The following SGCZ variants were observed in gnomAD, a reference collection of about 807,000 sequenced individuals.
SGCZ encodes the protein sarcoglycan zeta.
Under a neutral mutation model 41.3 loss-of-function variants are expected in SGCZ, and 40 were observed. That is an observed-to-expected ratio of 0.97 (90% confidence interval 0.75 to 1.26). The LOEUF (loss-of-function observed/expected upper bound fraction) is 1.26. Among genes scored for constraint, SGCZ ranks in the 50% most tolerant of loss-of-function variants. The probability of loss-of-function intolerance (pLI) is 0.00; values close to 1 mark genes in which losing one functional copy is unlikely to be tolerated. For missense variants in SGCZ, 552 were observed against 369.8 expected, an observed-to-expected ratio of 1.49 and a Z score of -4.04; for synonymous variants, 206 against 137.5, an observed-to-expected ratio of 1.50 and a Z score of -3.49.
intron 2 of SGCZ, among the ~76,000 whole-genome samples, chr8:14,536,362 G>A (rs969382852): frequency 2.0e-5 from 3 of 151,808 alleles, no homozygotes; most frequent in Non-Finnish European, 4.4e-5. Flanking sequence ...TTGATTTTAT[G>A]ATGACTTCTG....
At chr8:14,999,868 G>A (rs976644197) in intron 1 of SGCZ, among the ~76,000 whole-genome samples, 4 of 152,214 alleles carry the variant, frequency 2.6e-5, no homozygotes, top group African/African-American at 9.6e-5. Flanking sequence ...TGAGCATCCT[G>A]TTTTAGGAAG....
At chr8:15,172,288 A>G (rs1462800396) in intron 1 of SGCZ, among the ~76,000 whole-genome samples, 1 of 147,110 alleles carries the variant, frequency 6.8e-6, no homozygotes, top group Non-Finnish European at 1.5e-5. Context: ...CAGCCTCCCG[A>G]GTAGCTGGGA....
intron 1 of SGCZ, among the ~76,000 whole-genome samples, chr8:14,891,092 T>C (rs1804996562): frequency 1.3e-5 from 2 of 152,216 alleles, no homozygotes; most frequent in Admixed American, 1.3e-4. Context: ...AGGAGATTAA[T>C]GTTTCCATGC....
intron 1 of SGCZ, among the ~76,000 whole-genome samples, chr8:15,023,153 G>A (rs976123515): frequency 6.6e-6 from 1 of 152,098 alleles, no homozygotes; most frequent in Admixed American, 6.6e-5. Context: ...AGATAATCAC[G>A]CTTGCTGAAA....
chr8:14,476,685 T>C (rs1259882509), intron 2 of SGCZ, among the ~76,000 whole-genome samples: 1 of 152,158 alleles, frequency 6.6e-6, no homozygotes, highest in African/African-American at 2.4e-5. Context: ...TGTATGCTAA[T>C]ACACTGATTC....
chr8:14,934,474 A>G (rs1328506998), intron 1 of SGCZ, among the ~76,000 whole-genome samples: 1 of 151,978 alleles, frequency 6.6e-6, no homozygotes, highest in Non-Finnish European at 1.5e-5. Context: ...TTAAATGGAC[A>G]TTTTACAAAG....
intron 2 of SGCZ, among the ~76,000 whole-genome samples, chr8:14,421,403 A>T (rs925350515): frequency 2.0e-5 from 3 of 152,132 alleles, no homozygotes; most frequent in African/African-American, 7.2e-5. Flanking sequence ...AAAATGCATG[A>T]TATATTCACT....
At chr8:14,659,638 T>G (rs1807685975) in intron 1 of SGCZ, among the ~76,000 whole-genome samples, 2 of 152,222 alleles carry the variant, frequency 1.3e-5, no homozygotes, top group African/African-American at 4.8e-5. Context: ...TAAACGGTGG[T>G]CTTGGAAACC....
intron 1 of SGCZ, among the ~76,000 whole-genome samples, chr8:14,582,438 G>A (rs1245014021): frequency 3.3e-5 from 5 of 151,934 alleles, no homozygotes; most frequent in African/African-American, 7.3e-5. Context: ...CATATAATAC[G>A]TAATCATGTA....
rs796713519 is a variant in SGCZ at position 14,684,222 on chromosome 8, T to C, written c.40-129296A>G. On this transcript the variant is annotated intron_variant, in intron 1 of 7. Coordinates refer to ENST00000382080, the MANE Select transcript of SGCZ (RefSeq NM_139167.4). ...TTCATAATGCAATTTTTACTTGGCATCTGATGGCTTCTTAAATGATGTTTT... is the reference window on the plus strand; with the variant it reads ...TTCATAATGCAATTTTTACTTGGCACCTGATGGCTTCTTAAATGATGTTTT... 9.8e-5 allele frequency among the ~76,000 whole-genome samples: 15 copies of C among 152,324 alleles called. 1 individual carries two copies. Among genetic ancestry groups the C allele is most frequent in the African/African-American group, 3.6e-4 (15 of 41,588 alleles).
chr8:14,753,024 T>C (rs528828576), intron 1 of SGCZ, among the ~76,000 whole-genome samples: 1 of 151,894 alleles, frequency 6.6e-6, no homozygotes, highest in South Asian at 2.1e-4. Context: ...CTCTCCGTAC[T>C]GTAATTTTCA....
At chr8:14,278,868 G>A (rs1415106833) in intron 3 of SGCZ, among the ~76,000 whole-genome samples, 2 of 152,060 alleles carry the variant, frequency 1.3e-5, no homozygotes, top group South Asian at 2.1e-4. Context: ...TGAGAAATAT[G>A]TTTAATAATC....
chr8:15,231,234 A>G (rs1409632727), intron 1 of SGCZ, among the ~76,000 whole-genome samples: 2 of 152,160 alleles, frequency 1.3e-5, no homozygotes, highest in African/African-American at 4.8e-5. Flanking sequence ...GGATGCTAAA[A>G]TCCTCTATTT....
intron 2 of SGCZ, among the ~76,000 whole-genome samples, chr8:14,374,592 A>G (rs1027929507): frequency 9.3e-5 from 14 of 150,110 alleles, no homozygotes; most frequent in African/African-American, 3.5e-4. Flanking sequence ...TGTATTACAC[A>G]GTTGAACACG....
rs753762477 is a variant in SGCZ, at chr8:14,102,492, A to T, written c.628T>A (p.Ser210Thr). 5 of 1,423,854 alleles carry T rather than the reference A, an allele frequency of 3.5e-6. No individual in the cohort carries two copies. Among genetic ancestry groups the T allele is most frequent in the Non-Finnish European group, 4.7e-6 (5 of 1,072,484 alleles). 88.2% of individuals were successfully genotyped at this position (1,423,854 alleles called of 1,614,324 possible). Residue 210 changes from serine (S) to threonine (T), a missense_variant, in exon 7 of 8, where the codon TCA becomes ACA. Physicochemically the swap from Ser to Thr is moderately conservative, Grantham distance 58. Transcript: ENST00000382080. ...TCCATGATCAAGGATCTGGTGGGTG[A>T]TTCAAGCCTAAGGGAAAAACAAAAA... is the stretch of plus-strand genomic sequence containing the variant. ...AEPSQDLRLE[S>T]PTRSLIMEAP...
At chr8:14,673,429 TC>T (rs1808170452) in intron 1 of SGCZ, among the ~76,000 whole-genome samples, 1 of 152,084 alleles carries the variant, frequency 6.6e-6, no homozygotes, top group Non-Finnish European at 1.5e-5. Flanking sequence ...GCGCTGTCTC[TC>T]TCTCGCGCTC....
chr8:15,203,995 T>C (rs537283643), intron 1 of SGCZ, among the ~76,000 whole-genome samples: 10 of 152,360 alleles, frequency 6.6e-5, no homozygotes, highest in Admixed American at 3.9e-4. Flanking sequence ...ACATTTCTCA[T>C]ATTATTGCTT....
rs146354369 is a variant in SGCZ at position 15,221,937 on chromosome 8, T to C, written c.39+15648A>G. On this transcript the variant is annotated intron_variant, in intron 1 of 7. Coordinates refer to ENST00000382080, the MANE Select transcript of SGCZ (RefSeq NM_139167.4). ...AATGGCCCACACAACGTTATCTCTG[T>C]CTGAGTCTTCAATTGTAGCTTTTGC... is the stretch of plus-strand genomic sequence containing the variant. Among the ~76,000 whole-genome samples the C allele has an allele frequency of 2.3e-3, 354 of 152,292 alleles. 2 individuals carry two copies. Among genetic ancestry groups the C allele is most frequent in the African/African-American group, 8.1e-3 (337 of 41,566 alleles).
intron 1 of SGCZ, among the ~76,000 whole-genome samples, chr8:14,737,090 T>C (rs57365315): frequency 0.38 from 56,014 of 147,950 alleles, 12,879 homozygotes; most frequent in African/African-American, 0.64. Flanking sequence ...ATATAAGATA[T>C]ATATCTATAT....
Sources: gnomAD v4.1 joint callset for allele counts (sites outside exome capture counted in the v4.1 genomes callset) on GRCh38, gnomAD v4.1.1 for gene constraint, MANE v1.5 for transcripts, NCBI Gene and HGNC (gene_info 2026-07-23, HGNC 2026-07-21) for gene names.